The following FSTL5 variants were observed in gnomAD, a reference collection of about 807,000 sequenced individuals.
FSTL5 encodes the protein follistatin-related protein 5.
A neutral mutation model predicts 89.1 loss-of-function variants in FSTL5; 62 were observed. The ratio of observed to expected loss-of-function variants is 0.70; its 90% confidence interval spans 0.57 to 0.86. The LOEUF (loss-of-function observed/expected upper bound fraction) is 0.86. FSTL5 is among the 40% of genes least tolerant of loss of function. The pLI is 0.00. For synonymous variants in FSTL5, 383 were observed against 346.2 expected (o/e 1.11, Z -1.18); for missense variants, 1,057 against 1,001.6 (o/e 1.06, Z -0.75).
chr4:161,391,551 A>G (rs964408278), intron 15 of FSTL5, among the ~76,000 whole-genome samples: 1 of 152,200 alleles, frequency 6.6e-6, no homozygotes, highest in African/African-American at 2.4e-5. Flanking sequence ...GAATAAATGA[A>G]TATAAAGGAA....
intron 4 of FSTL5, among the ~76,000 whole-genome samples, chr4:161,901,030 T>A (rs900240510): frequency 5.3e-5 from 8 of 152,186 alleles, no homozygotes; most frequent in Non-Finnish European, 1.2e-4. Flanking sequence ...ACCACTTTTA[T>A]TGTCAAATTT....
intron 10 of FSTL5, among the ~76,000 whole-genome samples, chr4:161,530,533 CAACT>C (rs985180693): frequency 1.3e-5 from 2 of 151,484 alleles, no homozygotes; most frequent in African/African-American, 4.8e-5. Context: ...GAAATACAGC[CAACT>C]AATGTTAATT....
intron 4 of FSTL5, among the ~76,000 whole-genome samples, chr4:161,856,624 C>A (rs1407132854): frequency 6.7e-6 from 1 of 149,600 alleles, no homozygotes; most frequent in African/African-American, 2.4e-5. Context: ...TTTCTATTTA[C>A]ATCCGTAACT....
intron 4 of FSTL5, among the ~76,000 whole-genome samples, chr4:161,836,451 T>G (rs1473484401): frequency 7.4e-6 from 1 of 134,894 alleles, no homozygotes; most frequent in Non-Finnish European, 1.6e-5. Context: ...ACTTAAAGTA[T>G]AACAATAATA....
intron 1 of FSTL5, among the ~76,000 whole-genome samples, chr4:162,141,632 G>A (rs1250844622): frequency 6.6e-6 from 1 of 152,164 alleles, no homozygotes; most frequent in African/African-American, 2.4e-5. Context: ...ACTAAGACAA[G>A]TATTTAGAAA....
chr4:162,014,086 C>G (rs1736847365), intron 3 of FSTL5, among the ~76,000 whole-genome samples: 1 of 152,150 alleles, frequency 6.6e-6, no homozygotes, highest in South Asian at 2.1e-4. Context: ...TCTGTGGCAG[C>G]TTGACTTGCT....
intron 2 of FSTL5, among the ~76,000 whole-genome samples, chr4:162,108,805 T>C (rs1282957370): frequency 6.6e-6 from 1 of 151,804 alleles, no homozygotes; most frequent in Non-Finnish European, 1.5e-5. Context: ...TATGTATATA[T>C]GATACATATG....
intron 3 of FSTL5, among the ~76,000 whole-genome samples, chr4:162,010,466 C>T (rs1736727858): frequency 6.6e-6 from 1 of 152,030 alleles, no homozygotes; most frequent in Non-Finnish European, 1.5e-5. Flanking sequence ...ATCCACACAC[C>T]ATGTAGTTCA....
At chr4:161,869,427 T>G (rs371553877) in intron 4 of FSTL5, among the ~76,000 whole-genome samples, 13 of 152,182 alleles carry the variant, frequency 8.5e-5, no homozygotes, top group Admixed American at 5.9e-4. Context: ...TCAGATCCTT[T>G]AGCAGCAAAA....
intron 15 of FSTL5, among the ~76,000 whole-genome samples, chr4:161,427,325 C>T (rs1351471005): frequency 6.6e-6 from 1 of 152,174 alleles, no homozygotes; most frequent in African/African-American, 2.4e-5. Flanking sequence ...GGGTCCCACA[C>T]CTTTGCTTTG....
intron 6 of FSTL5, among the ~76,000 whole-genome samples, chr4:161,741,163 C>A (rs1373754841): frequency 6.6e-6 from 1 of 152,140 alleles, no homozygotes; most frequent in Non-Finnish European, 1.5e-5. Context: ...ATGACCCCCA[C>A]CAAAATATGT....
intron 8 of FSTL5, among the ~76,000 whole-genome samples, chr4:161,565,994 T>A (rs1732786545): frequency 6.6e-6 from 1 of 150,668 alleles, no homozygotes; most frequent in Non-Finnish European, 1.5e-5. Flanking sequence ...ATCGCCACAG[T>A]TTTCCATAGA....
At chr4:161,766,981 A>G (rs924865007) in intron 5 of FSTL5, among the ~76,000 whole-genome samples, 5 of 152,146 alleles carry the variant, frequency 3.3e-5, no homozygotes, top group African/African-American at 1.2e-4. Context: ...ATCTCAGGCC[A>G]TTCGGTTACA....
chr4:161,834,005 A>G (rs1730943048), intron 4 of FSTL5, among the ~76,000 whole-genome samples: 1 of 152,064 alleles, frequency 6.6e-6, no homozygotes, highest in Non-Finnish European at 1.5e-5. Context: ...GGCATGAAAG[A>G]GAATTTTACA....
At chr4:161,808,528 G>T (rs1392310497) in intron 4 of FSTL5, among the ~76,000 whole-genome samples, 5 of 151,866 alleles carry the variant, frequency 3.3e-5, no homozygotes, top group Non-Finnish European at 7.4e-5. Flanking sequence ...GTAAACATGA[G>T]AGCGAAAACT....
chr4:162,112,479 C>T (rs2111410260), intron 1 of FSTL5, among the ~76,000 whole-genome samples: 1 of 152,222 alleles, frequency 6.6e-6, no homozygotes, highest in East Asian at 1.9e-4. Flanking sequence ...CTCCTGGTGT[C>T]AAGTGCTTCT....
chr4:161,495,766 C>T (rs1259240753), intron 12 of FSTL5, among the ~76,000 whole-genome samples: 1 of 152,024 alleles, frequency 6.6e-6, no homozygotes, highest in Non-Finnish European at 1.5e-5. Flanking sequence ...CTCTTAATGT[C>T]GACCATGAAT....
intron 4 of FSTL5, among the ~76,000 whole-genome samples, chr4:161,798,774 C>T (rs555950221): frequency 8.8e-4 from 134 of 151,532 alleles, no homozygotes; most frequent in Non-Finnish European, 1.8e-3. Context: ...AAAGATGAGA[C>T]GAGCCTAATT....
intron 12 of FSTL5, among the ~76,000 whole-genome samples, chr4:161,482,935 T>C (rs1729566323): frequency 6.6e-6 from 1 of 152,222 alleles, no homozygotes; most frequent in Non-Finnish European, 1.5e-5. Context: ...TTCTAAGACA[T>C]AAGCGGAAAG....
Sources: allele counts gnomAD v4.1 joint callset (sites outside exome capture counted in the v4.1 genomes callset), GRCh38; gene constraint gnomAD v4.1.1; transcripts MANE v1.5; gene names NCBI Gene and HGNC (gene_info 2026-07-23, HGNC 2026-07-21).